Variants in GADL1 observed in about 807,000 individuals in gnomAD.
The protein encoded by GADL1 is GAD like acidic amino acid decarboxylase 1, also known as acidic amino acid decarboxylase GADL1.
GADL1 carries 71 observed loss-of-function variants against 69.5 expected under a neutral mutation model. The observed-to-expected ratio is 1.02, with a 90% confidence interval of 0.84 to 1.25. GADL1 has a LOEUF of 1.25. GADL1 is among the 50% of genes most tolerant of loss of function. GADL1 has a pLI of 0.00. For synonymous variants in GADL1, 254 were observed against 214.4 expected (o/e 1.18, Z -1.62); for missense variants, 737 against 631.8 (o/e 1.17, Z -1.79).
intron 13 of GADL1, chr3:30,778,949 G>A (rs564060279): frequency 1.3e-5 from 2 of 152,296 alleles, no homozygotes; most frequent in East Asian, 3.9e-4. Context: ...TAAAGAATTG[G>A]CATTTTATGA....
chr3:30,745,779 C>A lies in GADL1; in HGVS notation c.1393-17364G>T, dbSNP rs549875042. Among the ~76,000 whole-genome samples the A allele has an allele frequency of 3.3e-5, 5 of 152,182 alleles. No individual in the cohort carries two copies. The South Asian group carries it at 1.0e-3, about 32-fold the overall frequency. On this transcript the variant is annotated intron_variant, in intron 14 of 14. Transcript: ENST00000282538. ...CTTTTTCTTTTTGTAAATCTAAATG[C>A]CACCAGAGAAAAATATATTTGTTTT... is the stretch of plus-strand genomic sequence containing the variant.
chr3:30,754,175 T>C (rs761125998), intron 14 of GADL1, among the ~76,000 whole-genome samples: 3 of 152,210 alleles, frequency 2.0e-5, no homozygotes, highest in Non-Finnish European at 2.9e-5. Flanking sequence ...GATTGGCTTT[T>C]GAAGTATGGC....
intron 14 of GADL1, among the ~76,000 whole-genome samples, chr3:30,748,028 T>A (rs1695734987): frequency 6.6e-6 from 1 of 152,190 alleles, no homozygotes; most frequent in Non-Finnish European, 1.5e-5. Flanking sequence ...TACAAAAAAA[T>A]TCAACAGCAT....
Position 30,834,291 on chromosome 3 carries a change from T to C in GADL1, c.904-10A>G, listed in dbSNP as rs1697838174. ...AGCCACCCCAAGAAGCCTGTTGAGA[T>C]ATTTACAGTACCAGAACAATGTTAT... On this transcript the variant is annotated splice_polypyrimidine_tract_variant and intron_variant, in intron 9 of 14. Transcript: ENST00000282538. 6.2e-7 allele frequency: 1 copy of C among 1,609,188 alleles called. No individual in the cohort carries two copies. Among genetic ancestry groups the C allele is most frequent in the Admixed American group, 1.7e-5 (1 of 59,840 alleles).
chr3:30,821,343 AAAAG>A (rs936125713), intron 11 of GADL1, among the ~76,000 whole-genome samples: 18 of 151,492 alleles, frequency 1.2e-4, no homozygotes, highest in Non-Finnish European at 7.4e-5. Context: ...AATAAAGAAA[AAAAG>A]AAAAGCCATT....
intron 9 of GADL1, among the ~76,000 whole-genome samples, chr3:30,836,943 T>G (rs576657503): frequency 1.4e-4 from 21 of 152,228 alleles, no homozygotes; most frequent in Non-Finnish European, 2.5e-4. Flanking sequence ...AAACGCATTA[T>G]ATTACCAAAT....
chr3:30,776,107 C>A (rs1696530913), intron 14 of GADL1, among the ~76,000 whole-genome samples: 1 of 152,048 alleles, frequency 6.6e-6, no homozygotes, highest in Admixed American at 6.6e-5. Context: ...GCATTATATT[C>A]TGTATTTGAG....
chr3:30,836,151 T>A (rs1697870123), intron 9 of GADL1, among the ~76,000 whole-genome samples: 1 of 152,078 alleles, frequency 6.6e-6, no homozygotes, highest in Non-Finnish European at 1.5e-5. Context: ...GATTAATTAG[T>A]CCAGTCAGCC....
intron 1 of GADL1, among the ~76,000 whole-genome samples, chr3:30,870,174 A>G (rs1393959417): frequency 6.6e-6 from 1 of 151,928 alleles, no homozygotes; most frequent in Admixed American, 6.6e-5. Context: ...CAGATAAATT[A>G]TTAAAATAAT....
chr3:30,874,613 T>C (rs980336775), intron 1 of GADL1, among the ~76,000 whole-genome samples: 2 of 152,090 alleles, frequency 1.3e-5, no homozygotes, highest in African/African-American at 4.8e-5. Flanking sequence ...TAACCCCTTC[T>C]AAAGATTCAC....
intron 14 of GADL1, among the ~76,000 whole-genome samples, chr3:30,751,703 C>T (rs530918799): frequency 1.1e-4 from 17 of 152,130 alleles, no homozygotes; most frequent in Non-Finnish European, 2.1e-4. Flanking sequence ...AATCGTGTCT[C>T]ATAGACACGG....
intron 8 of GADL1, among the ~76,000 whole-genome samples, chr3:30,839,469 G>GA (rs1216808545): frequency 3.1e-5 from 4 of 128,634 alleles, no homozygotes; most frequent in Non-Finnish European, 4.6e-5. Flanking sequence ...ATTTCTTCCT[G>GA]AAAAAATACA....
At chr3:30,840,262 A>G (rs1329261589) in intron 8 of GADL1, among the ~76,000 whole-genome samples, 1 of 152,190 alleles carries the variant, frequency 6.6e-6, no homozygotes, top group African/African-American at 2.4e-5. Context: ...CTTTTGACAG[A>G]AAGATGTTAT....
chr3:30,745,822 CTGATT>C (rs1026346394), intron 14 of GADL1, among the ~76,000 whole-genome samples: 28 of 152,092 alleles, frequency 1.8e-4, no homozygotes, highest in African/African-American at 6.8e-4. Context: ...CATTCTCTGC[CTGATT>C]TAACGTTTAA....
intron 5 of GADL1, 115 bp from the exon 6 acceptor site, chr3:30,850,226 C>T (rs1018497336): frequency 6.0e-6 from 4 of 670,254 alleles, no homozygotes; most frequent in East Asian, 5.5e-5. Flanking sequence ...TGAAAAATCA[C>T]CGTGAAAAGC....
At chr3:30,731,383 C>A (rs1481475205) in intron 14 of GADL1, among the ~76,000 whole-genome samples, 2 of 152,086 alleles carry the variant, frequency 1.3e-5, no homozygotes, top group Non-Finnish European at 2.9e-5. Context: ...GTATTTTATG[C>A]CTTATCTTTG....
intron 13 of GADL1, among the ~76,000 whole-genome samples, chr3:30,778,563 C>T (rs901888744): frequency 2.6e-5 from 4 of 152,190 alleles, no homozygotes; most frequent in African/African-American, 7.2e-5. Context: ...CAGTTAGTGC[C>T]TGCTTACATA....
At chr3:30,884,996 A>G (rs1011387163) in intron 1 of GADL1, among the ~76,000 whole-genome samples, 5 of 152,034 alleles carry the variant, frequency 3.3e-5, no homozygotes, top group African/African-American at 1.2e-4. Context: ...AATAATGTTC[A>G]AACTTTGTTT....
chr3:30,883,956 G>A (rs1459666011), intron 1 of GADL1, among the ~76,000 whole-genome samples: 1 of 151,986 alleles, frequency 6.6e-6, no homozygotes, highest in East Asian at 1.9e-4. Context: ...TTAGCAGTGA[G>A]AGAGCTGTGG....
Sources: gnomAD v4.1 joint callset for allele counts (sites outside exome capture counted in the v4.1 genomes callset) on GRCh38, gnomAD v4.1.1 for gene constraint, MANE v1.5 for transcripts, NCBI Gene and HGNC (gene_info 2026-07-23, HGNC 2026-07-21) for gene names.